HTT: variants seen among roughly 807,000 people sequenced by gnomAD.
HTT encodes huntingtin, also known as huntington disease protein.
In HTT, 104 loss-of-function variants were observed where a neutral mutation model predicts 362.3. The ratio of observed to expected loss-of-function variants is 0.29; its 90% CI spans 0.24 to 0.34. The LOEUF (loss-of-function observed/expected upper bound fraction) is 0.34, where lower values mean the gene tolerates loss of function less well. Ranked by LOEUF, HTT falls within the 10% of genes least tolerant of loss-of-function variation. The pLI is 1.00. For missense variants in HTT, 3,301 were observed against 3,928.6 expected, an observed-to-expected ratio of 0.84 and a Z score of 4.27; for synonymous variants, 1,577 against 1,548.7, an observed-to-expected ratio of 1.02 and a Z score of -0.43.
Position 3,228,625 on chromosome 4 carries a change from A to T in HTT, c.7859A>T (p.His2620Leu). Residue 2620 changes from histidine (H) to leucine (L), a missense_variant, in exon 58 of 67, where the codon CAC becomes CTC. His to Leu is a moderately conservative substitution (Grantham distance 99). This residue lies in a region of HTT where 753 missense variants were observed against 1,021.3 expected (regional missense o/e 0.74). Transcript: ENST00000355072. This position sits in a 1 kb window ranked among gnomAD's most constrained non-coding sequence, Gnocchi z 4.3. ...MSYKLGQVSI[H>L]SVWLGNSITP... ...CCGTTTCTGTGGCAGGTGTCCATAC[A>T]CTCCGTGTGGCTGGGGAACAGCATC... 6.3e-7 allele frequency: 1 copy of T among 1,575,718 alleles called. No homozygotes were observed. Among genetic ancestry groups the T allele is most frequent in the Non-Finnish European group, 8.6e-7 (1 of 1,161,990 alleles).
At chr4:3,091,630 C>T (rs1267977243) in intron 2 of HTT, among the ~76,000 whole-genome samples, 1 of 152,154 alleles carries the variant, frequency 6.6e-6, no homozygotes, top group South Asian at 2.1e-4. Flanking sequence ...TTCTCCGACT[C>T]CCAGCCTCCA....
chr4:3,076,611 TC>T (rs1712567107), intron 1 of HTT, among the ~76,000 whole-genome samples: 2 of 152,224 alleles, frequency 1.3e-5, no homozygotes, highest in African/African-American at 4.8e-5. Flanking sequence ...GTAGTGCTTT[TC>T]TAGGAGGTAG....
At chr4:3,223,912 C>A in intron 55 of HTT, 80 bp from the exon 56 acceptor site, 1 of 1,478,598 alleles carries the variant, frequency 6.8e-7, no homozygotes, top group Non-Finnish European at 9.4e-7. Flanking sequence ...TTAGGCAAAG[C>A]GGAGGGAAAG....
Position 3,127,521 on chromosome 4 carries a change from G to A in HTT, c.1660G>A (p.Ala554Thr), listed in dbSNP as rs773318017. ...PAMDLNDGTQASSPISDSSQT... is the reference protein window; with the variant it reads ...PAMDLNDGTQTSSPISDSSQT... Reference sequence around the variant, plus strand: ...CATGGACCTGAATGATGGGACCCAGGCCTCGTCGCCCATCAGCGACAGCTC... The same window carrying A: ...CATGGACCTGAATGATGGGACCCAGACCTCGTCGCCCATCAGCGACAGCTC... Residue 554 changes from alanine to threonine, a missense_variant, in exon 12 of 67, where the codon GCC (alanine) becomes ACC (threonine). This residue lies in a region of HTT where 2,316 missense variants were observed against 2,658.5 expected (regional missense o/e 0.87). Coordinates refer to ENST00000355072, the MANE Select transcript of HTT (RefSeq NM_001388492.1). 3.1e-6 allele frequency: 5 copies of A among 1,614,212 alleles called. 1 individual carries two copies. In the South Asian group the frequency reaches 5.5e-5, roughly 18 times the overall value.
Position 3,240,352 on chromosome 4 carries a change from C to A in HTT, c.*293C>A. On this transcript the variant is annotated 3_prime_UTR_variant, in exon 67 of 67. Coordinates refer to ENST00000355072, the MANE Select transcript of HTT (RefSeq NM_001388492.1). ...ACCAGGTCCTTTCTCCTGATAGTCA[C>A]CTGCTGGTTGTTGCCAGGTTGCAGC... 2.2e-6 allele frequency: 1 copy of A among 458,942 alleles called. No homozygotes were observed. Among genetic ancestry groups the A allele is most frequent in the Non-Finnish European group, 4.0e-6 (1 of 252,964 alleles). The allele number at this position is 458,942 out of a possible 1,614,324, so 28.4% of individuals were successfully genotyped here.
chr4:3,157,125 C>T lies in HTT; in HGVS notation c.3679C>T (p.Leu1227=). The T allele has an allele frequency of 6.2e-7, 1 of 1,612,620 alleles. No individual in the cohort carries two copies. ...GPVTTSKSSS[L]GSFYHLPSYL... is the part of the protein sequence containing the mutation. ...TGTTACAACAAGTAAATCCTCATCA[C>T]TGGGGAGTTTCTATCATCTTCCTTC... The change falls in exon 28 of 67, where the codon CTG becomes TTG. Residue 1227 remains leucine (L), a synonymous_variant. Coordinates refer to ENST00000355072, the MANE Select transcript of HTT (RefSeq NM_001388492.1).
intron 21 of HTT, among the ~76,000 whole-genome samples, chr4:3,139,474 A>G (rs1318709542): frequency 2.0e-5 from 3 of 152,324 alleles, no homozygotes; most frequent in Non-Finnish European, 4.4e-5. Context: ...CTGGGATTAC[A>G]GGCGTGAGCC....
intron 64 of HTT, among the ~76,000 whole-genome samples, chr4:3,237,536 CAA>C (rs1274080654): frequency 6.6e-6 from 1 of 152,098 alleles, no homozygotes; most frequent in Non-Finnish European, 1.5e-5. Flanking sequence ...GCGAGTGCTC[CAA>C]AGAGTGTGGT....
At chr4:3,097,037 T>A (rs1713892020) in intron 2 of HTT, among the ~76,000 whole-genome samples, 1 of 152,132 alleles carries the variant, frequency 6.6e-6, no homozygotes, top group Non-Finnish European at 1.5e-5. Context: ...GAGGATTGCT[T>A]GAGTCTGGGA....
Position 3,110,034 on chromosome 4 carries a change from C to T in HTT, c.747+2611C>T, listed in dbSNP as rs370959740. Among the ~76,000 whole-genome samples, 15 of 152,334 alleles carry T rather than the reference C, an allele frequency of 9.8e-5. 1 individual carries two copies. In the South Asian group the frequency reaches 3.1e-3, roughly 32 times the overall value. ...CCTTCAGCAGCACCAGCTTCTTGGG[C>T]AGGCTGGTGCTGGCTTTCATCACCA... On this transcript the variant is annotated intron_variant, in intron 6 of 66. Coordinates refer to ENST00000355072, the MANE Select transcript of HTT (RefSeq NM_001388492.1).
chr4:3,233,304 A>G lies in HTT; in HGVS notation c.8407A>G (p.Ile2803Val), dbSNP rs1721350083. The G allele has an allele frequency of 6.2e-7, 1 of 1,608,842 alleles. No homozygotes were observed. The highest frequency in any genetic ancestry group is 1.1e-5 in the South Asian group (1 of 90,998). ...DLLDDTAKQL[I>V]PVISDYLLSN... ...GCTGGACGACACTGCCAAGCAGCTC[A>G]TCCCGGTCATCAGCGACTATCTCCT... The change falls in exon 61 of 67, where the codon ATC (isoleucine) becomes GTC (valine). Residue 2803 changes from isoleucine (I) to valine (V), a missense_variant. This residue lies in a region of HTT where 753 missense variants were observed against 1,021.3 expected (regional missense o/e 0.74). Coordinates refer to ENST00000355072, the MANE Select transcript of HTT (RefSeq NM_001388492.1).
Position 3,228,556 on chromosome 4 carries a change from C to G in HTT, c.7849-59C>G. 1 of 1,505,820 alleles carries G rather than the reference C, an allele frequency of 6.6e-7. No individual in the cohort carries two copies. The allele number at this position is 1,505,820 out of a possible 1,614,324, so 93.3% of individuals were successfully genotyped here. A position where few individuals can be genotyped will look rare whatever the true frequency, so the allele number is the denominator to read the frequency against. On this transcript the variant is annotated intron_variant, in intron 57 of 66. Transcript: ENST00000355072. The surrounding 1 kb of genome is among the most constrained non-coding windows in gnomAD (Gnocchi z 4.3). ...TGCTGAGTCCCAGTGGCCACACCCA[C>G]CCACCAGGAGCCTGGCACTGTGGCC...
intron 12 of HTT, chr4:3,128,688 A>G (rs915876065): frequency 1.3e-5 from 2 of 152,198 alleles, no homozygotes; most frequent in Non-Finnish European, 2.9e-5. Context: ...AAAAACCCTC[A>G]TGGATAGTCT....
chr4:3,082,558 G>C (rs1712968554), intron 1 of HTT, among the ~76,000 whole-genome samples: 1 of 152,078 alleles, frequency 6.6e-6, no homozygotes, highest in African/African-American at 2.4e-5. Context: ...GTATCATTTG[G>C]GATCTCATAA....
chr4:3,217,811 G>A lies in HTT; in HGVS notation c.7101G>A (p.Val2367=), dbSNP rs961675954. ...TAACEMVAEM[V]ESLQSVLALG... is the part of the protein sequence containing the mutation. ...CCTGTGAGATGGTGGCAGAAATGGTGGAGTCTCTGCAGTCGGTGTTGGCCT... is the reference window on the plus strand; with the variant it reads ...CCTGTGAGATGGTGGCAGAAATGGTAGAGTCTCTGCAGTCGGTGTTGGCCT... The change falls in exon 52 of 67, where the codon GTG becomes GTA. Residue 2367 remains valine (V), a synonymous_variant. Coordinates refer to ENST00000355072, the MANE Select transcript of HTT (RefSeq NM_001388492.1). 3 of 1,614,026 alleles carry A rather than the reference G, an allele frequency of 1.9e-6. No homozygotes were observed. The African/African-American group carries it at 4.0e-5, about 22-fold the overall frequency.
Position 3,146,914 on chromosome 4 carries a change from A to G in HTT, c.3261A>G (p.Gln1087=), listed in dbSNP as rs1716630195. The change falls in exon 25 of 67, where the codon CAA becomes CAG. Residue 1087 remains glutamine, a synonymous_variant. Transcript: ENST00000355072. The part of the protein sequence containing the change: ...AWFPLDLSAH[Q]DALILAGNLL... Reference sequence around the variant, plus strand: ...TCCCATTGGATCTCTCAGCCCATCAAGATGCTTTGATTTTGGCCGGAAACT... The same window carrying G: ...TCCCATTGGATCTCTCAGCCCATCAGGATGCTTTGATTTTGGCCGGAAACT... 6.2e-7 allele frequency: 1 copy of G among 1,614,036 alleles called. No individual in the cohort carries two copies. The highest frequency in any genetic ancestry group is 8.5e-7 in the Non-Finnish European group (1 of 1,180,040).
At chr4:3,231,844 G>A (rs1290712013) in intron 60 of HTT, among the ~76,000 whole-genome samples, 2 of 152,154 alleles carry the variant, frequency 1.3e-5, no homozygotes, top group Admixed American at 6.5e-5. Flanking sequence ...GATCCCCCTA[G>A]GCAAGTGTTG....
chr4:3,169,095 T>G lies in HTT; in HGVS notation c.3865-3225T>G, dbSNP rs576543846. ...GTGCAGTGACACTATCTTGGCTCAC[T>G]GCAAGCTCTGCCTCCTGGGTTCACG... On this transcript the variant is annotated intron_variant, in intron 29 of 66. Coordinates refer to ENST00000355072, the MANE Select transcript of HTT (RefSeq NM_001388492.1). Among the ~76,000 whole-genome samples, 8 of 151,940 alleles carry G rather than the reference T, an allele frequency of 5.3e-5. No homozygotes were observed. The East Asian group carries it at 1.2e-3, about 22-fold the overall frequency.
chr4:3,180,189 C>T (rs1457096578), intron 35 of HTT, among the ~76,000 whole-genome samples: 1 of 152,002 alleles, frequency 6.6e-6, no homozygotes, highest in East Asian at 1.9e-4. Flanking sequence ...AGGAATGTTG[C>T]TGTTTTGGTT....
Sources: gnomAD v4.1 joint callset for allele counts (sites outside exome capture counted in the v4.1 genomes callset) on GRCh38, gnomAD v4.1.1 for gene constraint, gnomAD v4.1.1 regional missense constraint, Gnocchi (gnomAD v3.1) non-coding constraint, MANE v1.5 for transcripts, NCBI Gene and HGNC (gene_info 2026-07-23, HGNC 2026-07-21) for gene names.